The following GLIS3 variants were observed in gnomAD, a reference collection of about 807,000 sequenced individuals.
The protein encoded by GLIS3 is GLIS family zinc finger 3.
In GLIS3, 53 loss-of-function variants were observed where a neutral mutation model predicts 78.6. That is an observed-to-expected ratio of 0.67 (90% CI 0.54 to 0.85). The LOEUF (loss-of-function observed/expected upper bound fraction) is 0.85. Ranked by LOEUF, GLIS3 falls within the 40% of genes least tolerant of loss-of-function variation. The pLI, the probability that GLIS3 is intolerant of heterozygous loss-of-function variation, is 0.00. For synonymous variants in GLIS3, 684 were observed against 509.9 expected, an observed-to-expected ratio of 1.34 and a Z score of -4.60; for missense variants, 1,703 against 1,231.1, an observed-to-expected ratio of 1.38 and a Z score of -5.74.
At chr9:4,195,760 A>G (rs372551390) in intron 2 of GLIS3, among the ~76,000 whole-genome samples, 25 of 152,364 alleles carry the variant, frequency 1.6e-4, no homozygotes, top group African/African-American at 6.0e-4. Flanking sequence ...GGGGTCTTGG[A>G]GAACTTTTAT....
At position 4,186,900 on chromosome 9, in the gene GLIS3, A is replaced by T. The variant is rs201092683; in HGVS notation, c.389-60959T>A. 1.1e-4 allele frequency among the ~76,000 whole-genome samples: 16 copies of T among 152,198 alleles called. No individual in the cohort carries two copies. The East Asian group carries it at 1.2e-3, about 11-fold the overall frequency. On this transcript the variant is annotated intron_variant, in intron 2 of 10. Coordinates refer to ENST00000381971, the MANE Select transcript of GLIS3 (RefSeq NM_001042413.2). ...ATTGTAGATTCTGGATATTAGCCCT[A>T]TGTCAGATGAGTAGGTTGGGAAAAT...
At chr9:3,969,716 A>G (rs1418808511) in intron 4 of GLIS3, among the ~76,000 whole-genome samples, 3 of 152,194 alleles carry the variant, frequency 2.0e-5, no homozygotes, top group Non-Finnish European at 4.4e-5. Context: ...GAAGCTACCA[A>G]AATAACTTGG....
the GLIS3 span, among the ~76,000 whole-genome samples, chr9:4,424,523 T>TC: frequency 6.6e-6 from 1 of 152,188 alleles, no homozygotes; most frequent in African/African-American, 2.4e-5. Flanking sequence ...ATTGCAACAT[T>TC]CACTGGGAAA....
At chr9:4,105,345 C>T (rs1830667618) in intron 4 of GLIS3, among the ~76,000 whole-genome samples, 2 of 152,134 alleles carry the variant, frequency 1.3e-5, no homozygotes, top group Non-Finnish European at 2.9e-5. Context: ...CACTCCCAGG[C>T]ACAGCTGTTT....
chr9:4,161,157 C>T (rs1051236438), intron 2 of GLIS3, among the ~76,000 whole-genome samples: 3 of 151,562 alleles, frequency 2.0e-5, no homozygotes, highest in East Asian at 3.9e-4. Flanking sequence ...TTGGTAGTCC[C>T]GGCTACTCAG....
intron 2 of GLIS3, among the ~76,000 whole-genome samples, chr9:4,257,868 C>A (rs968389368): frequency 6.6e-6 from 1 of 151,960 alleles, no homozygotes. Context: ...CCATTGCGCC[C>A]GGCCAACATG....
intron 4 of GLIS3, among the ~76,000 whole-genome samples, chr9:4,113,940 TG>T (rs1352534199): frequency 1.3e-5 from 2 of 152,132 alleles, no homozygotes; most frequent in African/African-American, 4.8e-5. Context: ...AATCCATGGG[TG>T]GGTAAAAGTT....
chr9:4,030,135 C>A lies in GLIS3; in HGVS notation c.1710+87633G>T, dbSNP rs375343673. ...TATTGCCTGTCTTTTGGATATAAGCCATTTTAACTATGGTGAGATGATATC... is the reference window on the plus strand; with the variant it reads ...TATTGCCTGTCTTTTGGATATAAGCAATTTTAACTATGGTGAGATGATATC... On this transcript the variant is annotated intron_variant, in intron 4 of 10. Transcript: ENST00000381971. 2.2e-3 allele frequency among the ~76,000 whole-genome samples: 334 copies of A among 152,248 alleles called. 2 individuals carry two copies. The highest frequency in any genetic ancestry group is 7.7e-3 in the African/African-American group (319 of 41,536).
intron 9 of GLIS3, among the ~76,000 whole-genome samples, chr9:3,832,250 G>A (rs1485227795): frequency 6.7e-6 from 1 of 150,320 alleles, no homozygotes; most frequent in African/African-American, 2.4e-5. Context: ...ATATATGTTT[G>A]CTAAATAAAA....
At chr9:4,460,534 G>C in the GLIS3 span, among the ~76,000 whole-genome samples, 4 of 152,156 alleles carry the variant, frequency 2.6e-5, no homozygotes, top group African/African-American at 9.6e-5. Context: ...GTCCTGGCTA[G>C]TGCAGGAAAA....
the GLIS3 span, among the ~76,000 whole-genome samples, chr9:4,437,959 C>G: frequency 6.6e-6 from 1 of 152,164 alleles, no homozygotes; most frequent in Non-Finnish European, 1.5e-5. Context: ...AACAAGGCTT[C>G]TGTTCAACAG....
intron 2 of GLIS3, among the ~76,000 whole-genome samples, chr9:4,132,899 G>T (rs1039484453): frequency 6.6e-6 from 1 of 152,174 alleles, no homozygotes; most frequent in Non-Finnish European, 1.5e-5. Flanking sequence ...AGGTCCTTAA[G>T]GTCTCTGTGC....
At chr9:4,468,164 G>A in the GLIS3 span, among the ~76,000 whole-genome samples, 1 of 152,232 alleles carries the variant, frequency 6.6e-6, no homozygotes, top group Non-Finnish European at 1.5e-5. Context: ...TCTGATTGGT[G>A]TACCTGAAAG....
intron 2 of GLIS3, among the ~76,000 whole-genome samples, chr9:4,167,184 G>C (rs900196429): frequency 1.4e-4 from 22 of 152,182 alleles, no homozygotes; most frequent in African/African-American, 4.6e-4. Context: ...CAAGAGCAAA[G>C]CTGCAACAGG....
At chr9:4,206,079 T>C (rs975534259) in intron 2 of GLIS3, among the ~76,000 whole-genome samples, 2 of 152,152 alleles carry the variant, frequency 1.3e-5, no homozygotes, top group East Asian at 1.9e-4. Flanking sequence ...AGGGAAAATA[T>C]ATAAGTGGTA....
At chr9:3,844,262 C>A (rs935468779) in intron 9 of GLIS3, among the ~76,000 whole-genome samples, 1 of 152,142 alleles carries the variant, frequency 6.6e-6, no homozygotes, top group Non-Finnish European at 1.5e-5. Flanking sequence ...ATAGCTGTTA[C>A]ATTTTTTTCT....
chr9:4,063,307 C>G (rs1564002261), intron 4 of GLIS3, among the ~76,000 whole-genome samples: 1 of 151,956 alleles, frequency 6.6e-6, no homozygotes. Context: ...ATGGAAGAGA[C>G]TTTTTATGGG....
intron 6 of GLIS3, among the ~76,000 whole-genome samples, chr9:3,909,051 G>A (rs975893615): frequency 6.6e-6 from 1 of 152,118 alleles, no homozygotes; most frequent in Non-Finnish European, 1.5e-5. Context: ...TCACCTTGTA[G>A]GGATCCCTTT....
intron 8 of GLIS3, among the ~76,000 whole-genome samples, chr9:3,862,490 A>G (rs146540936): frequency 7.4e-4 from 112 of 152,304 alleles, no homozygotes; most frequent in Non-Finnish European, 1.2e-3. Context: ...CCGTGTGTAT[A>G]AGTCCAAAGT....
Sources: gnomAD v4.1 joint callset for allele counts (sites outside exome capture counted in the v4.1 genomes callset) on GRCh38, gnomAD v4.1.1 for gene constraint, MANE v1.5 for transcripts, NCBI Gene and HGNC (gene_info 2026-07-23, HGNC 2026-07-21) for gene names.